LARGE1: variants seen among roughly 807,000 people sequenced by gnomAD.
The protein encoded by LARGE1 is LARGE xylosyl- and glucuronyltransferase 1.
In LARGE1, 43 loss-of-function variants were observed where a neutral mutation model predicts 87.6. That is an observed-to-expected ratio of 0.49 (90% confidence interval 0.38 to 0.63). The LOEUF (loss-of-function observed/expected upper bound fraction) is 0.63. Ranked by LOEUF, LARGE1 falls within the 30% of genes least tolerant of loss-of-function variation. LARGE1 has a pLI of 0.00. For missense variants in LARGE1, 802 were observed against 1,000.2 expected (o/e 0.80, Z 2.67); for synonymous variants, 434 against 394.6 (o/e 1.10, Z -1.18).
chr22:33,920,805 C>G (rs969125967), upstream of LARGE1, among the ~76,000 whole-genome samples: 4 of 144,348 alleles, frequency 2.8e-5, no homozygotes, highest in African/African-American at 9.9e-5. Context: ...GCCCGGCGCT[C>G]GGAGCTGGGC....
chr22:33,291,373 A>G (rs536884490), intron 12 of LARGE1, among the ~76,000 whole-genome samples: 7 of 152,118 alleles, frequency 4.6e-5, no homozygotes, highest in African/African-American at 1.4e-4. Flanking sequence ...CAAAGGAAGA[A>G]CTCCCTAAAT....
At chr22:33,863,961 CCTAA>C (rs879811436) in intron 1 of LARGE1, among the ~76,000 whole-genome samples, 33 of 152,178 alleles carry the variant, frequency 2.2e-4, no homozygotes, top group Non-Finnish European at 4.1e-4. Flanking sequence ...GTTAATCTGG[CCTAA>C]CTAACGCCTC....
intron 1 of LARGE1, among the ~76,000 whole-genome samples, chr22:33,863,292 A>G (rs191622452): frequency 7.9e-4 from 120 of 152,282 alleles, no homozygotes; most frequent in African/African-American, 2.8e-3. Context: ...AGAAGCACTC[A>G]ATAATGCTGT....
At chr22:33,644,466 G>A (rs2080544685) in intron 3 of LARGE1, among the ~76,000 whole-genome samples, 1 of 152,124 alleles carries the variant, frequency 6.6e-6, no homozygotes, top group Admixed American at 6.5e-5. Context: ...TACTGAATGG[G>A]CAAAAGCTGG....
At chr22:33,193,882 T>C (rs1172468577) in intron 11 of LARGE1, among the ~76,000 whole-genome samples, 1 of 147,534 alleles carries the variant, frequency 6.8e-6, no homozygotes, top group Non-Finnish European at 1.5e-5. Context: ...ATATATAATG[T>C]TTTATATATT....
At chr22:33,127,023 C>T in the LARGE1 span, among the ~76,000 whole-genome samples, 8 of 152,216 alleles carry the variant, frequency 5.3e-5, no homozygotes, top group Admixed American at 2.6e-4. Context: ...CTGGGATCTT[C>T]AGTGTTCTTC....
intron 6 of LARGE1, among the ~76,000 whole-genome samples, chr22:33,521,899 T>C (rs1328219226): frequency 6.6e-6 from 1 of 152,148 alleles, no homozygotes; most frequent in Admixed American, 6.5e-5. Flanking sequence ...CCTGCATCTA[T>C]TTCTGGTGAG....
At chr22:33,620,309 T>C (rs961639639) in intron 4 of LARGE1, among the ~76,000 whole-genome samples, 9 of 152,216 alleles carry the variant, frequency 5.9e-5, no homozygotes, top group Non-Finnish European at 1.0e-4. Context: ...CTGATCCACT[T>C]TCCTGCCCAG....
At chr22:33,302,408 AG>A (rs1934275947) in intron 12 of LARGE1, among the ~76,000 whole-genome samples, 1 of 152,074 alleles carries the variant, frequency 6.6e-6, no homozygotes, top group Non-Finnish European at 1.5e-5. Context: ...AGAGTCTGGT[AG>A]GGACTCCTCC....
chr22:33,147,380 A>G, the LARGE1 span, among the ~76,000 whole-genome samples: 1 of 152,182 alleles, frequency 6.6e-6, no homozygotes, highest in African/African-American at 2.4e-5. Flanking sequence ...TATATGAGTG[A>G]TCTAGTTGGG....
chr22:33,605,214 G>A (rs9609846), intron 4 of LARGE1, among the ~76,000 whole-genome samples: 7,105 of 152,022 alleles, frequency 0.047, 229 homozygotes, highest in Non-Finnish European at 0.069. Flanking sequence ...AGACCAAAGT[G>A]GATTCTGTGC....
At position 33,546,144 on chromosome 22, in the gene LARGE1, C is replaced by T. The variant is rs193216290; in HGVS notation, c.787+18704G>A. On this transcript the variant is annotated intron_variant, in intron 6 of 14. Coordinates refer to ENST00000397394, the MANE Select transcript of LARGE1 (RefSeq NM_133642.5). Reference sequence around the variant, plus strand: ...TCAGTGCCTTCCAGAAAAGGCCAAACTCCTTGGCATGGCACAGCACGCTAA... The same window carrying T: ...TCAGTGCCTTCCAGAAAAGGCCAAATTCCTTGGCATGGCACAGCACGCTAA... Among the ~76,000 whole-genome samples the T allele has an allele frequency of 4.0e-4, 61 of 152,296 alleles. No individual in the cohort carries two copies. The East Asian group carries it at 0.011, about 28-fold the overall frequency.
At chr22:33,785,109 A>G (rs567828810) in intron 1 of LARGE1, among the ~76,000 whole-genome samples, 2 of 64,288 alleles carry the variant, frequency 3.1e-5, no homozygotes, top group Admixed American at 1.4e-4. Context: ...GTGTATACAT[A>G]CATATGTGTA....
At chr22:33,272,310 T>C (rs111537890), downstream of LARGE1, among the ~76,000 whole-genome samples, 52 of 152,330 alleles carry the variant, frequency 3.4e-4, 1 homozygote, top group African/African-American at 1.2e-3. Context: ...TCTGTGTATC[T>C]GTCTGTGTGT....
At chr22:33,330,626 A>C (rs1937601725) in intron 10 of LARGE1, among the ~76,000 whole-genome samples, 1 of 152,218 alleles carries the variant, frequency 6.6e-6, no homozygotes, top group Non-Finnish European at 1.5e-5. Flanking sequence ...ACTGCACTAC[A>C]TAAAGAATTT....
intron 1 of LARGE1, among the ~76,000 whole-genome samples, chr22:33,829,005 T>TA (rs2062882614): frequency 8.9e-6 from 1 of 112,800 alleles, no homozygotes; most frequent in Non-Finnish European, 1.9e-5. Context: ...AGTCTCTTTT[T>TA]CTTTTTTTTT....
the LARGE1 span, among the ~76,000 whole-genome samples, chr22:33,067,451 T>C: frequency 6.6e-6 from 1 of 152,162 alleles, no homozygotes; most frequent in African/African-American, 2.4e-5. Flanking sequence ...TAATTAATAA[T>C]AATACACTTG....
chr22:33,764,420 C>T (rs1339557280), intron 1 of LARGE1, among the ~76,000 whole-genome samples: 1 of 152,064 alleles, frequency 6.6e-6, no homozygotes, highest in Non-Finnish European at 1.5e-5. Context: ...CACCTATCCT[C>T]CTATATACTT....
intron 6 of LARGE1, among the ~76,000 whole-genome samples, chr22:33,503,739 C>T (rs1289013829): frequency 6.6e-6 from 1 of 151,604 alleles, no homozygotes; most frequent in Non-Finnish European, 1.5e-5. Context: ...GTGGAGGTTG[C>T]AGTGAGCCAA....
Sources: gnomAD v4.1 joint callset for allele counts (sites outside exome capture counted in the v4.1 genomes callset) on GRCh38, gnomAD v4.1.1 for gene constraint, MANE v1.5 for transcripts, NCBI Gene and HGNC (gene_info 2026-07-23, HGNC 2026-07-21) for gene names.